The following CSMD1 variants were observed in gnomAD, a reference collection of about 807,000 sequenced individuals.
CSMD1 encodes the protein CUB and sushi domain-containing protein 1.
A neutral mutation model predicts 417.5 loss-of-function variants in CSMD1; 213 were observed. The ratio of observed to expected loss-of-function variants is 0.51; its 90% confidence interval spans 0.46 to 0.57. The LOEUF (loss-of-function observed/expected upper bound fraction) is 0.57, where lower values mean the gene tolerates loss of function less well. Ranked by LOEUF, CSMD1 falls within the 20% of genes least tolerant of loss-of-function variation. The pLI is 0.00. For missense variants in CSMD1, 6,923 were observed against 4,529.7 expected, an observed-to-expected ratio of 1.53 and a Z score of -15.17; for synonymous variants, 2,862 against 1,736.8, an observed-to-expected ratio of 1.65 and a Z score of -16.11.
intron 5 of CSMD1, among the ~76,000 whole-genome samples, chr8:3,888,912 C>T (rs2627346): frequency 0.035 from 5,365 of 152,134 alleles, 316 homozygotes; most frequent in African/African-American, 0.12. Context: ...TAATTAAAAG[C>T]ATATCTTTAT....
intron 8 of CSMD1, among the ~76,000 whole-genome samples, chr8:3,597,142 C>G (rs929905586): frequency 6.6e-6 from 1 of 152,116 alleles, no homozygotes; most frequent in Non-Finnish European, 1.5e-5. Flanking sequence ...ATATGGGATG[C>G]CCAAAATCAG....
intron 5 of CSMD1, among the ~76,000 whole-genome samples, chr8:3,996,257 T>A (rs764033305): frequency 1.3e-5 from 2 of 152,194 alleles, no homozygotes; most frequent in Non-Finnish European, 2.9e-5. Context: ...TGGACTGTCC[T>A]AAAAATAAGA....
At chr8:4,542,113 T>G (rs544834881) in intron 2 of CSMD1, among the ~76,000 whole-genome samples, 1 of 152,076 alleles carries the variant, frequency 6.6e-6, no homozygotes, top group Admixed American at 6.6e-5. Flanking sequence ...TTCTGGACAA[T>G]GAACTCAACA....
At position 4,473,504 on chromosome 8, in the gene CSMD1, C is replaced by A. The variant is rs554871209; in HGVS notation, c.303-53439G>T. Reference sequence around the variant, plus strand: ...TCTGCAAATCCAAAGAACCCCCACTCCCCTCTTGCACCTGCTTTGCAATTA... The same window carrying A: ...TCTGCAAATCCAAAGAACCCCCACTACCCTCTTGCACCTGCTTTGCAATTA... On this transcript the variant is annotated intron_variant, in intron 2 of 69. Transcript: ENST00000635120. 9.8e-5 allele frequency among the ~76,000 whole-genome samples: 15 copies of A among 152,300 alleles called. No individual in the cohort carries two copies. In the East Asian group the frequency reaches 2.9e-3, roughly 29 times the overall value.
At chr8:3,393,790 G>T (rs1461667584) in intron 17 of CSMD1, among the ~76,000 whole-genome samples, 2 of 151,248 alleles carry the variant, frequency 1.3e-5, no homozygotes, top group African/African-American at 2.4e-5. Context: ...ATTGAACAAT[G>T]AGAACACATG....
At chr8:3,070,635 T>A (rs1247891239) in intron 49 of CSMD1, among the ~76,000 whole-genome samples, 1 of 152,204 alleles carries the variant, frequency 6.6e-6, no homozygotes, top group African/African-American at 2.4e-5. Context: ...TGAGACCCCA[T>A]CAGCCTGGTC....
At chr8:4,794,153 A>G (rs573489936) in intron 1 of CSMD1, among the ~76,000 whole-genome samples, 57 of 152,280 alleles carry the variant, frequency 3.7e-4, no homozygotes, top group Non-Finnish European at 6.2e-4. Context: ...AGACAGTCAA[A>G]CTCAATATTG....
chr8:3,729,811 T>C (rs1459570750), intron 6 of CSMD1, among the ~76,000 whole-genome samples: 1 of 151,850 alleles, frequency 6.6e-6, no homozygotes, highest in African/African-American at 2.4e-5. Context: ...TTCTTCATTC[T>C]ACAGCATATT....
chr8:4,976,013 G>T (rs540506815), intron 1 of CSMD1, among the ~76,000 whole-genome samples: 1 of 152,142 alleles, frequency 6.6e-6, no homozygotes, highest in Admixed American at 6.5e-5. Context: ...TTTCTGGTTT[G>T]GACTGGAGCT....
At chr8:4,526,493 A>T (rs937907611) in intron 2 of CSMD1, among the ~76,000 whole-genome samples, 5 of 152,224 alleles carry the variant, frequency 3.3e-5, no homozygotes, top group Admixed American at 1.3e-4. Flanking sequence ...TGTGCAAGCA[A>T]GAATACACAC....
intron 2 of CSMD1, among the ~76,000 whole-genome samples, chr8:4,614,048 A>G (rs1686511482): frequency 6.6e-6 from 1 of 152,208 alleles, no homozygotes; most frequent in Admixed American, 6.5e-5. Flanking sequence ...ATGCAAAATT[A>G]TGATAAGCAA....
intron 5 of CSMD1, among the ~76,000 whole-genome samples, chr8:3,770,142 T>A (rs891775073): frequency 6.6e-6 from 1 of 152,252 alleles, no homozygotes; most frequent in Non-Finnish European, 1.5e-5. Context: ...GACTAAAGGC[T>A]ACCTGCAGCC....
intron 69 of CSMD1, among the ~76,000 whole-genome samples, chr8:2,941,915 G>C (rs141316285): frequency 5.8e-4 from 88 of 152,246 alleles, no homozygotes; most frequent in African/African-American, 2.1e-3. Flanking sequence ...TGAATGTAGA[G>C]ATAGAATCCT....
chr8:4,804,329 G>T (rs554752367), intron 1 of CSMD1, among the ~76,000 whole-genome samples: 1 of 152,102 alleles, frequency 6.6e-6, no homozygotes. Context: ...TCATGCTATG[G>T]AATGTTCAGA....
At chr8:4,063,078 C>A (rs965669151) in intron 3 of CSMD1, among the ~76,000 whole-genome samples, 2 of 152,052 alleles carry the variant, frequency 1.3e-5, no homozygotes, top group East Asian at 3.9e-4. Flanking sequence ...AGAAGAAAAA[C>A]GTTCTAATGT....
intron 3 of CSMD1, among the ~76,000 whole-genome samples, chr8:4,179,701 G>A (rs568832949): frequency 1.8e-3 from 268 of 151,964 alleles, no homozygotes; most frequent in African/African-American, 6.3e-3. Context: ...CTAATATCCA[G>A]AATCTACAAT....
At chr8:3,976,709 A>C (rs75053676) in intron 5 of CSMD1, among the ~76,000 whole-genome samples, 2,802 of 152,206 alleles carry the variant, frequency 0.018, 81 homozygotes, top group African/African-American at 0.061. Flanking sequence ...GAACCCTTTT[A>C]ATCTCCACAA....
chr8:2,966,008 A>G (rs563172139), intron 58 of CSMD1, 54 bp from the exon 59 acceptor site: 3 of 1,441,360 alleles, frequency 2.1e-6, no homozygotes, highest in African/African-American at 2.8e-5. Context: ...CATGAAATGA[A>G]TTAGTCACCA....
intron 2 of CSMD1, among the ~76,000 whole-genome samples, chr8:4,591,173 A>C (rs1476928016): frequency 6.6e-6 from 1 of 152,232 alleles, no homozygotes; most frequent in Non-Finnish European, 1.5e-5. Flanking sequence ...CTTACTGTTT[A>C]CAACATATTA....
Sources: allele counts gnomAD v4.1 joint callset (sites outside exome capture counted in the v4.1 genomes callset), GRCh38; gene constraint gnomAD v4.1.1; transcripts MANE v1.5; gene names NCBI Gene and HGNC (gene_info 2026-07-23, HGNC 2026-07-21).